The following VPS13A variants were observed in gnomAD, a reference collection of about 807,000 sequenced individuals.
VPS13A encodes the protein vacuolar protein sorting 13 homolog A.
VPS13A carries 264 observed loss-of-function variants against 390.9 expected under a neutral mutation model. The ratio of observed to expected loss-of-function variants is 0.68; its 90% confidence interval spans 0.61 to 0.75. The LOEUF is 0.75. Ranked by LOEUF, VPS13A falls within the 30% of genes least tolerant of loss-of-function variation. The pLI, the probability that VPS13A is intolerant of heterozygous loss-of-function variation, is 0.00. For synonymous variants in VPS13A, 1,231 were observed against 1,227.1 expected (o/e 1.00, Z -0.07); for missense variants, 3,409 against 3,733.9 (o/e 0.91, Z 2.27).
At chr9:77,338,573 A>T (rs547782783) in intron 47 of VPS13A, 3 of 152,208 alleles carry the variant, frequency 2.0e-5, no homozygotes, top group Non-Finnish European at 4.4e-5. Flanking sequence ...GATTTGGTAC[A>T]GTGCCTCCCA....
At chr9:77,314,146 A>G (rs750461346) in intron 36 of VPS13A, 27 bp downstream of exon 36, 5 of 1,611,394 alleles carry the variant, frequency 3.1e-6, no homozygotes, top group East Asian at 4.5e-5. Flanking sequence ...AAGAAAATGT[A>G]TTTTCACATG....
At chr9:77,225,880 A>G (rs747691168) in intron 13 of VPS13A, 46 bp from the exon 14 acceptor site, 2 of 1,460,240 alleles carry the variant, frequency 1.4e-6, no homozygotes, top group Admixed American at 1.7e-5. Flanking sequence ...TTAATTATGT[A>G]AAGTTATTTT....
intron 71 of VPS13A, among the ~76,000 whole-genome samples, chr9:77,413,227 C>A (rs1213746385): frequency 6.6e-6 from 1 of 152,298 alleles, no homozygotes; most frequent in African/African-American, 2.4e-5. Context: ...ACTTTCTTCA[C>A]AGAATTGGAA....
intron 68 of VPS13A, among the ~76,000 whole-genome samples, chr9:77,389,307 T>C (rs1259983692): frequency 7.1e-6 from 1 of 139,946 alleles, no homozygotes; most frequent in African/African-American, 2.8e-5. Context: ...TAAGCAGAAC[T>C]CTTTTTTTTT....
chr9:77,249,287 TAATAA>T (rs1825015458), intron 20 of VPS13A, among the ~76,000 whole-genome samples: 1 of 152,218 alleles, frequency 6.6e-6, no homozygotes, highest in African/African-American at 2.4e-5. Context: ...TATATATTTA[TAATAA>T]AATTTATACA....
Position 77,321,511 on chromosome 9 carries a change from T to C in VPS13A, c.5595T>C (p.Thr1865=). The C allele has an allele frequency of 6.2e-7, 1 of 1,613,502 alleles. No homozygotes were observed. Among genetic ancestry groups the C allele is most frequent in the Non-Finnish European group, 8.5e-7 (1 of 1,179,600 alleles). Residue 1865 remains threonine, a synonymous_variant, in exon 44 of 72, where the codon ACT becomes ACC. Transcript: ENST00000360280. ...NLVKAFTEAA[T]GSSADFVKDL... is the part of the protein sequence containing the mutation. ...ATTAGGCATTTACAGAAGCTGCCACTGGATCTTCAGCTGACTTCGTAAAGG... is the reference window on the plus strand; with the variant it reads ...ATTAGGCATTTACAGAAGCTGCCACCGGATCTTCAGCTGACTTCGTAAAGG...
chr9:77,332,894 T>C (rs989691062), intron 46 of VPS13A, among the ~76,000 whole-genome samples: 1 of 152,204 alleles, frequency 6.6e-6, no homozygotes, highest in African/African-American at 2.4e-5. Context: ...TGTTCTCTTG[T>C]CCAGAAGTTC....
chr9:77,394,310 G>A (rs1341670763), intron 68 of VPS13A, among the ~76,000 whole-genome samples: 4 of 151,066 alleles, frequency 2.6e-5, no homozygotes, highest in African/African-American at 9.8e-5. Context: ...CAAGCGATCC[G>A]CCCACCATGG....
At chr9:77,309,306 A>G (rs1828934181) in intron 35 of VPS13A, among the ~76,000 whole-genome samples, 2 of 152,192 alleles carry the variant, frequency 1.3e-5, no homozygotes, top group African/African-American at 4.8e-5. Flanking sequence ...GGGATGGAAA[A>G]TGTGATAAAA....
At chr9:77,250,512 T>C (rs1331488558) in intron 21 of VPS13A, among the ~76,000 whole-genome samples, 4 of 152,198 alleles carry the variant, frequency 2.6e-5, no homozygotes, top group African/African-American at 9.7e-5. Flanking sequence ...CATCCTACGA[T>C]GTTCAGGCCA....
At chr9:77,207,207 T>G in intron 5 of VPS13A, among the ~76,000 whole-genome samples, 1 of 55,584 alleles carries the variant, frequency 1.8e-5, no homozygotes, top group Non-Finnish European at 4.2e-5. Context: ...TTGATTTATT[T>G]AGATATTATA....
At chr9:77,341,866 ATAGTTAAAGCCACAG>A (rs1830846934) in intron 50 of VPS13A, among the ~76,000 whole-genome samples, 1 of 151,910 alleles carries the variant, frequency 6.6e-6, no homozygotes, top group Non-Finnish European at 1.5e-5. Flanking sequence ...TTGCAATATA[ATAGTTAAAGCCACAG>A]TAGTTAAAGC....
intron 8 of VPS13A, 74 bp from the exon 9 acceptor site, chr9:77,213,160 T>C: frequency 6.5e-7 from 1 of 1,545,476 alleles, no homozygotes; most frequent in East Asian, 2.3e-5. Flanking sequence ...ACTTAATTAT[T>C]TGAGACTTCT....
chr9:77,403,464 A>G (rs1834472987), intron 69 of VPS13A, 143 bp downstream of exon 69: 1 of 715,156 alleles, frequency 1.4e-6, no homozygotes, highest in Admixed American at 2.1e-5. Flanking sequence ...TAACTCGCTA[A>G]ACATTACATA....
At chr9:77,406,685 G>GTGAT (rs1834626469) in intron 70 of VPS13A, among the ~76,000 whole-genome samples, 1 of 150,892 alleles carries the variant, frequency 6.6e-6, no homozygotes, top group Non-Finnish European at 1.5e-5. Context: ...CCAAAGTACT[G>GTGAT]TGATTATAGA....
intron 27 of VPS13A, among the ~76,000 whole-genome samples, chr9:77,281,168 T>C (rs1324379132): frequency 6.6e-6 from 1 of 152,052 alleles, no homozygotes; most frequent in African/African-American, 2.4e-5. Flanking sequence ...TAGAGAGTTG[T>C]CAATCAAATG....
At chr9:77,252,159 A>G in intron 21 of VPS13A, 76 bp from the exon 22 acceptor site, 1 of 1,172,210 alleles carries the variant, frequency 8.5e-7, no homozygotes, top group South Asian at 1.2e-5. Flanking sequence ...GGAATGTGTG[A>G]CTATGAAGTA....
chr9:77,403,793 C>A (rs1013932983), intron 69 of VPS13A, among the ~76,000 whole-genome samples: 4 of 152,158 alleles, frequency 2.6e-5, no homozygotes, highest in African/African-American at 9.7e-5. Flanking sequence ...TGTAAAAATA[C>A]ACAGGGGCAT....
At position 77,406,687 on chromosome 9, in the gene VPS13A, G is replaced by A. The variant is rs543830872; in HGVS notation, c.9399+700G>A. Among the ~76,000 whole-genome samples, 12 of 151,248 alleles carry A rather than the reference G, an allele frequency of 7.9e-5. No homozygotes were observed. The South Asian group carries it at 2.1e-3, about 26-fold the overall frequency. ...CTGCCTCAGCCTCCCAAAGTACTGTGATTATAGACGTGAGCCACTGGACCC... is the reference window on the plus strand; with the variant it reads ...CTGCCTCAGCCTCCCAAAGTACTGTAATTATAGACGTGAGCCACTGGACCC... On this transcript the variant is annotated intron_variant, in intron 70 of 71. Coordinates refer to ENST00000360280, the MANE Select transcript of VPS13A (RefSeq NM_033305.3).
Sources: gnomAD v4.1 joint callset for allele counts (sites outside exome capture counted in the v4.1 genomes callset) on GRCh38, gnomAD v4.1.1 for gene constraint, MANE v1.5 for transcripts, NCBI Gene and HGNC (gene_info 2026-07-23, HGNC 2026-07-21) for gene names.